Variants in GRIK5 observed in about 807,000 individuals in gnomAD.
GRIK5 encodes glutamate ionotropic receptor kainate type subunit 5.
Under a neutral mutation model 97.4 loss-of-function variants are expected in GRIK5, and 43 were observed. That is an observed-to-expected ratio of 0.44 (90% confidence interval 0.35 to 0.57). The LOEUF is 0.57. GRIK5 is among the 20% of genes least tolerant of loss of function. The pLI, the probability that GRIK5 is intolerant of heterozygous loss-of-function variation, is 0.01. For missense variants in GRIK5, 1,015 were observed against 1,382.0 expected (o/e 0.73, Z 4.21); for synonymous variants, 580 against 583.5 (o/e 0.99, Z 0.09).
intron 12 of GRIK5, among the ~76,000 whole-genome samples, chr19:42,038,661 C>T (rs2075939023): frequency 6.6e-6 from 1 of 152,240 alleles, no homozygotes; most frequent in African/African-American, 2.4e-5. Flanking sequence ...AAGTCAGACA[C>T]ACCTGGCTGC....
At chr19:42,033,344 A>C (rs2075862797) in intron 12 of GRIK5, among the ~76,000 whole-genome samples, 2 of 151,562 alleles carry the variant, frequency 1.3e-5, no homozygotes, top group Non-Finnish European at 2.9e-5. Context: ...AAAAAACGGA[A>C]TGCAGTACTG....
chr19:42,006,334 GA>G lies in GRIK5; in HGVS notation c.2037+310del, dbSNP rs1219305350. Among the ~76,000 whole-genome samples the G allele has an allele frequency of 6.6e-6, 1 of 152,112 alleles. No homozygotes were observed. The highest frequency in any genetic ancestry group is 1.5e-5 in the Non-Finnish European group (1 of 68,030). On this transcript the variant is annotated intron_variant, in intron 16 of 19. Coordinates refer to ENST00000593562, the MANE Select transcript of GRIK5 (RefSeq NM_002088.5). This position sits in a 1 kb window ranked among gnomAD's most constrained non-coding sequence, Gnocchi z 5.3. ...CAAAAGATCAAGCACTTTTCACCTT[GA>G]AGGGCCTTCCCTTCTCTCTGTCAGC...
Position 42,003,219 on chromosome 19 carries a change from C to G in GRIK5, c.2514+113G>C, listed in dbSNP as rs1555871437. The G allele has an allele frequency of 3.2e-6, 3 of 941,778 alleles. No homozygotes were observed. Among genetic ancestry groups the G allele is most frequent in the Admixed American group, 3.9e-5 (2 of 51,032 alleles). The allele number at this position is 941,778 out of a possible 1,614,324, so 58.3% of individuals were successfully genotyped here. On this transcript the variant is annotated intron_variant, in intron 19 of 19. Coordinates refer to ENST00000593562, the MANE Select transcript of GRIK5 (RefSeq NM_002088.5). This position sits in a 1 kb window ranked among gnomAD's most constrained non-coding sequence, Gnocchi z 4.2. ...CCCCACCTCCTGCATTCCTCTGCCC[C>G]CTTCTCGCGATCCCCACCACCCTCC...
intron 11 of GRIK5, among the ~76,000 whole-genome samples, chr19:42,052,282 T>C (rs1044105912): frequency 1.3e-5 from 2 of 150,894 alleles, no homozygotes; most frequent in Non-Finnish European, 3.0e-5. Flanking sequence ...CTTTGCACCC[T>C]GTTCCCCACC....
At chr19:42,040,719 G>A (rs890534608) in intron 12 of GRIK5, among the ~76,000 whole-genome samples, 3 of 152,094 alleles carry the variant, frequency 2.0e-5, no homozygotes, top group East Asian at 3.9e-4. Flanking sequence ...AGCCAGGCAC[G>A]GTGGCGCACC....
At chr19:42,052,417 G>T (rs1212600257) in intron 11 of GRIK5, among the ~76,000 whole-genome samples, 1 of 152,124 alleles carries the variant, frequency 6.6e-6, no homozygotes, top group Non-Finnish European at 1.5e-5. Context: ...GAGGTGTCTG[G>T]TTTCCCGTCT....
chr19:42,008,050 G>A (rs1312508938), intron 15 of GRIK5, among the ~76,000 whole-genome samples: 1 of 144,564 alleles, frequency 6.9e-6, no homozygotes, highest in African/African-American at 2.6e-5. Context: ...TTTTTTTCTT[G>A]AGACAGAGTC....
At chr19:42,000,605 G>A (rs1414258273) in intron 19 of GRIK5, among the ~76,000 whole-genome samples, 9 of 152,156 alleles carry the variant, frequency 5.9e-5, no homozygotes, top group Admixed American at 5.9e-4. Context: ...GCAGACCTTG[G>A]CTTCAGGGGA....
intron 19 of GRIK5, chr19:42,001,829 A>C (rs1376496650): frequency 7.2e-6 from 3 of 416,986 alleles, no homozygotes; most frequent in Non-Finnish European, 1.3e-5. Context: ...AGCAATAGAT[A>C]ACTAACACAA....
rs890395733 is a variant in GRIK5 at position 42,065,650 on chromosome 19, C to T, written c.79+42G>A. On this transcript the variant is annotated intron_variant, in intron 2 of 19. Transcript: ENST00000593562. This position sits in a 1 kb window ranked among gnomAD's most constrained non-coding sequence, Gnocchi z 5.8. ...CATGCCTGGGTCCCCAGAGGAGCCC[C>T]AGGGCCTGAGGATGCAGGGGCAGGG... The T allele has an allele frequency of 2.0e-6, 3 of 1,493,134 alleles. No homozygotes were observed. The highest frequency in any genetic ancestry group is 2.7e-6 in the Non-Finnish European group (3 of 1,101,766). 92.5% of individuals were successfully genotyped at this position (1,493,134 alleles called of 1,614,324 possible). A position where few individuals can be genotyped will look rare whatever the true frequency, so the allele number is the denominator to read the frequency against.
In GRIK5 at chr19:41,999,070, G is replaced by T. The variant is rs2146002953; in HGVS notation, c.2744C>A (p.Pro915His). Reference protein sequence around the residue: ...GPQRLLDDPGPPSGARPAAPT... With the variant: ...GPQRLLDDPGHPSGARPAAPT... ...GGCGGCGGGTCGGGCTCCGCTGGGG[G>T]GCCCCGGGTCGTCCAGGAGGCGCTG... Residue 915 changes from proline to histidine, a missense_variant, in exon 20 of 20, where the codon CCC becomes CAC. Coordinates refer to ENST00000593562, the MANE Select transcript of GRIK5 (RefSeq NM_002088.5). The surrounding 1 kb of genome is among the most constrained non-coding windows in gnomAD (Gnocchi z 5.0). 2 of 1,272,388 alleles carry T rather than the reference G, an allele frequency of 1.6e-6. No individual in the cohort carries two copies. Among genetic ancestry groups the T allele is most frequent in the East Asian group, 3.4e-5 (1 of 29,720 alleles). 78.8% of individuals were successfully genotyped at this position (1,272,388 alleles called of 1,614,324 possible).
rs1243977873 is a variant in GRIK5 at position 42,002,539 on chromosome 19, G to A, written c.2514+793C>T. On this transcript the variant is annotated intron_variant, in intron 19 of 19. Transcript: ENST00000593562. The surrounding 1 kb of genome is among the most constrained non-coding windows in gnomAD (Gnocchi z 5.2). ...ACACTGGCAGGCAGCTGGATGCAGA[G>A]CTGGGGTCTGGGGAGTAGATGTAAG... The A allele has an allele frequency of 4.3e-6, 3 of 695,678 alleles. No homozygotes were observed. The highest frequency in any genetic ancestry group is 2.0e-5 in the Admixed American group (1 of 48,896). The allele number at this position is 695,678 out of a possible 1,614,324, so 43.1% of individuals were successfully genotyped here.
chr19:42,036,266 T>C (rs529479034), intron 12 of GRIK5, among the ~76,000 whole-genome samples: 1 of 152,288 alleles, frequency 6.6e-6, no homozygotes, highest in East Asian at 1.9e-4. Flanking sequence ...TTCACCATGT[T>C]GGCGGGGCTG....
At chr19:42,018,054 C>G (rs1219769981) in intron 15 of GRIK5, among the ~76,000 whole-genome samples, 1 of 150,160 alleles carries the variant, frequency 6.7e-6, no homozygotes, top group East Asian at 2.0e-4. Flanking sequence ...TGGCTCACGC[C>G]TGTAATCCCT....
At chr19:42,026,290 T>C (rs1341404665) in intron 12 of GRIK5, among the ~76,000 whole-genome samples, 1 of 148,168 alleles carries the variant, frequency 6.7e-6, no homozygotes, top group Admixed American at 6.7e-5. Context: ...GCCTTGTTCT[T>C]TTTATTATTA....
chr19:42,022,142 G>C lies in GRIK5; in HGVS notation c.1588-86C>G. The C allele has an allele frequency of 2.1e-6, 3 of 1,398,340 alleles. No homozygotes were observed. In the South Asian group the frequency reaches 3.6e-5, roughly 17 times the overall value. The allele number at this position is 1,398,340 out of a possible 1,614,324, so 86.6% of individuals were successfully genotyped here. On this transcript the variant is annotated intron_variant, in intron 13 of 19. Transcript: ENST00000593562. The surrounding 1 kb of genome is among the most constrained non-coding windows in gnomAD (Gnocchi z 4.2). ...TGCCCTACCAGGGACCTGGGAGCCT[G>C]ACCGGCCCATCTGAGGTCCTGGGGC... is the stretch of plus-strand genomic sequence containing the variant.
intron 12 of GRIK5, among the ~76,000 whole-genome samples, chr19:42,039,073 G>A (rs992339100): frequency 6.6e-6 from 1 of 152,100 alleles, no homozygotes. Context: ...TAGCTCTGAC[G>A]TTCTCCCGCC....
Position 42,056,686 on chromosome 19 carries a change from T to G in GRIK5, c.879A>C (p.Glu293Asp), listed in dbSNP as rs1192522293. 6.2e-7 allele frequency: 1 copy of G among 1,614,046 alleles called. No homozygotes were observed. Among genetic ancestry groups the G allele is most frequent in the Non-Finnish European group, 8.5e-7 (1 of 1,179,918 alleles). ...CCGCAGGGCCCAGGTAGGTGCTGGC[T>G]TCACAGTTCTCCCTCCAGGACATGT... The part of the protein sequence containing the change: ...SLNMSWRENC[E>D]ASTYLGPALS... The change falls in exon 8 of 20, where the codon GAA (glutamate) becomes GAC (aspartate). Residue 293 changes from glutamate (E) to aspartate (D), a missense_variant. Glu to Asp is a conservative substitution (Grantham distance 45). Transcript: ENST00000593562.
chr19:42,066,559 G>A (rs1335382642), intron 1 of GRIK5, among the ~76,000 whole-genome samples: 1 of 151,768 alleles, frequency 6.6e-6, no homozygotes, highest in African/African-American at 2.4e-5. Context: ...GAGAGACTCA[G>A]AAAGAGAGAA....
Sources: allele counts gnomAD v4.1 joint callset (sites outside exome capture counted in the v4.1 genomes callset), GRCh38; gene constraint gnomAD v4.1.1; non-coding constraint Gnocchi (gnomAD v3.1); transcripts MANE v1.5; gene names NCBI Gene and HGNC (gene_info 2026-07-23, HGNC 2026-07-21).